CAMTA1: variants seen among roughly 807,000 people sequenced by gnomAD.
CAMTA1 encodes the protein calmodulin binding transcription activator 1.
CAMTA1 carries 27 observed loss-of-function variants against 170.9 expected under a neutral mutation model. That is an observed-to-expected ratio of 0.16 (90% CI 0.12 to 0.22). CAMTA1 has a LOEUF of 0.22. Among genes scored for constraint, CAMTA1 ranks in the 10% least tolerant of loss-of-function variants. The pLI is 1.00. For missense variants in CAMTA1, 1,619 were observed against 2,217.2 expected (o/e 0.73, Z 5.42); for synonymous variants, 833 against 891.5 (o/e 0.93, Z 1.17).
At chr1:7,020,168 G>C (rs1184643241) in intron 3 of CAMTA1, among the ~76,000 whole-genome samples, 8 of 152,188 alleles carry the variant, frequency 5.3e-5, no homozygotes. Flanking sequence ...GCCAATTAGG[G>C]CTAAAAGTAG....
intron 4 of CAMTA1, among the ~76,000 whole-genome samples, chr1:7,147,186 C>T (rs576098453): frequency 3.9e-5 from 6 of 151,948 alleles, no homozygotes; most frequent in East Asian, 2.0e-4. Context: ...TTTGGGAGGC[C>T]GAGGTGGGCA....
At chr1:7,590,381 G>A (rs1164293720) in intron 6 of CAMTA1, among the ~76,000 whole-genome samples, 1 of 152,190 alleles carries the variant, frequency 6.6e-6, no homozygotes, top group Non-Finnish European at 1.5e-5. Flanking sequence ...CCCTGGTGGG[G>A]GCAGTTTGGA....
intron 3 of CAMTA1, among the ~76,000 whole-genome samples, chr1:6,994,750 C>T (rs1393983612): frequency 1.3e-5 from 2 of 152,126 alleles, no homozygotes; most frequent in South Asian, 4.1e-4. Flanking sequence ...TCACAGCAAC[C>T]TCCACCTCCC....
At chr1:7,150,030 G>C (rs567496226) in intron 4 of CAMTA1, among the ~76,000 whole-genome samples, 24 of 152,194 alleles carry the variant, frequency 1.6e-4, no homozygotes, top group Non-Finnish European at 7.3e-5. Context: ...CCTCGGAGAC[G>C]TTCAACTCCA....
At chr1:7,151,094 A>G (rs1305124391) in intron 4 of CAMTA1, among the ~76,000 whole-genome samples, 8 of 152,252 alleles carry the variant, frequency 5.3e-5, no homozygotes, top group Admixed American at 3.3e-4. Context: ...AACACTTTGC[A>G]TAAAGGAGGA....
chr1:6,832,765 G>A (rs1650961272), intron 3 of CAMTA1, among the ~76,000 whole-genome samples: 1 of 152,116 alleles, frequency 6.6e-6, no homozygotes, highest in Non-Finnish European at 1.5e-5. Context: ...TCCAGGCAGG[G>A]CTTTTCTGAT....
chr1:7,511,647 A>G (rs1178939010), intron 6 of CAMTA1, among the ~76,000 whole-genome samples: 2 of 152,154 alleles, frequency 1.3e-5, no homozygotes, highest in African/African-American at 4.8e-5. Context: ...AGTTCTGACC[A>G]GTGTATTCTG....
chr1:7,640,934 C>A (rs552513713), intron 7 of CAMTA1, among the ~76,000 whole-genome samples: 3 of 152,302 alleles, frequency 2.0e-5, no homozygotes, highest in Non-Finnish European at 1.5e-5. Flanking sequence ...CGGACCCTGC[C>A]TCCTGCCTTG....
intron 1 of CAMTA1, among the ~76,000 whole-genome samples, chr1:6,809,230 T>A (rs1363854564): frequency 1.3e-5 from 2 of 152,114 alleles, no homozygotes; most frequent in Non-Finnish European, 2.9e-5. Flanking sequence ...TTTCACCATG[T>A]TGGCCAGGCT....
intron 11 of CAMTA1, among the ~76,000 whole-genome samples, chr1:7,697,078 G>T (rs1393177885): frequency 6.6e-6 from 1 of 152,132 alleles, no homozygotes; most frequent in African/African-American, 2.4e-5. Flanking sequence ...TCTGCCTAGG[G>T]CATCCTGGCC....
In CAMTA1 at chr1:7,641,141, C is replaced by T. The variant is rs999180035; in HGVS notation, c.664+588C>T. Among the ~76,000 whole-genome samples, 1 of 152,246 alleles carries T rather than the reference C, an allele frequency of 6.6e-6. No homozygotes were observed. Among genetic ancestry groups the T allele is most frequent in the African/African-American group, 2.4e-5 (1 of 41,462 alleles). Reference sequence around the variant, plus strand: ...GAGTGAGGCAGGGAAGCTGGGGCTGCTCCGTACTTTGTTGCCGTGGCCACA... The same window carrying T: ...GAGTGAGGCAGGGAAGCTGGGGCTGTTCCGTACTTTGTTGCCGTGGCCACA... On this transcript the variant is annotated intron_variant, in intron 7 of 22. Transcript: ENST00000303635. This position sits in a 1 kb window ranked among gnomAD's most constrained non-coding sequence, Gnocchi z 4.5.
chr1:7,703,879 C>T (rs2096470517), intron 11 of CAMTA1, among the ~76,000 whole-genome samples: 1 of 152,050 alleles, frequency 6.6e-6, no homozygotes, highest in Non-Finnish European at 1.5e-5. Context: ...GGCGAGAGAC[C>T]CTCACGCAGA....
intron 5 of CAMTA1, among the ~76,000 whole-genome samples, chr1:7,288,207 C>T (rs1174262609): frequency 6.6e-6 from 1 of 152,226 alleles, no homozygotes; most frequent in Non-Finnish European, 1.5e-5. Context: ...ACTCGTAGCG[C>T]TCTGCGTGCT....
At chr1:7,501,843 G>A (rs2094010679) in intron 6 of CAMTA1, among the ~76,000 whole-genome samples, 1 of 152,070 alleles carries the variant, frequency 6.6e-6, no homozygotes, top group Admixed American at 6.6e-5. Context: ...GACACCCACT[G>A]GGATCCAAAT....
chr1:7,045,808 A>C (rs1157427947), intron 3 of CAMTA1, among the ~76,000 whole-genome samples: 1 of 152,250 alleles, frequency 6.6e-6, no homozygotes, highest in Non-Finnish European at 1.5e-5. Context: ...AGTTAAGCAC[A>C]TCCTTCCTCG....
chr1:6,819,637 A>C (rs1227941071), intron 1 of CAMTA1, among the ~76,000 whole-genome samples: 2 of 152,246 alleles, frequency 1.3e-5, no homozygotes, highest in African/African-American at 4.8e-5. Flanking sequence ...GTTCATCAGC[A>C]CAGACCTTTT....
intron 5 of CAMTA1, among the ~76,000 whole-genome samples, chr1:7,250,874 C>T (rs960692263): frequency 3.9e-5 from 6 of 152,214 alleles, no homozygotes; most frequent in Non-Finnish European, 7.3e-5. Flanking sequence ...CATTAAAATG[C>T]AGATTCCCCC....
At chr1:7,018,374 T>G (rs6690584) in intron 3 of CAMTA1, among the ~76,000 whole-genome samples, 52,608 of 151,804 alleles carry the variant, frequency 0.35, 9,591 homozygotes, top group African/African-American at 0.47. Context: ...GCTTATGATG[T>G]AGGGGTTGAA....
intron 6 of CAMTA1, among the ~76,000 whole-genome samples, chr1:7,601,370 A>G (rs1420868714): frequency 1.3e-5 from 2 of 150,934 alleles, no homozygotes; most frequent in African/African-American, 2.4e-5. Context: ...CGCTCCCCAC[A>G]TCTCAGACGA....
Sources: allele counts gnomAD v4.1 joint callset (sites outside exome capture counted in the v4.1 genomes callset), GRCh38; gene constraint gnomAD v4.1.1; non-coding constraint Gnocchi (gnomAD v3.1); transcripts MANE v1.5; gene names NCBI Gene and HGNC (gene_info 2026-07-23, HGNC 2026-07-21).